ADAMTSL1: variants seen among roughly 807,000 people sequenced by gnomAD.
ADAMTSL1 encodes the protein ADAMTS like 1, also known as ADAMTS-like protein 1.
In ADAMTSL1, 126 loss-of-function variants were observed where a neutral mutation model predicts 201.8. The ratio of observed to expected loss-of-function variants is 0.62; its 90% CI spans 0.54 to 0.72. ADAMTSL1 has a LOEUF of 0.72. Among genes scored for constraint, ADAMTSL1 ranks in the 30% least tolerant of loss-of-function variants. The pLI, the probability that ADAMTSL1 is intolerant of heterozygous loss-of-function variation, is 0.00. For missense variants in ADAMTSL1, 2,679 were observed against 2,277.8 expected (o/e 1.18, Z -3.59); for synonymous variants, 1,121 against 903.4 (o/e 1.24, Z -4.32).
intron 2 of ADAMTSL1, among the ~76,000 whole-genome samples, chr9:18,223,310 C>G (rs1830331648): frequency 1.3e-5 from 2 of 151,982 alleles, no homozygotes; most frequent in South Asian, 2.1e-4. Context: ...AAGAATAATG[C>G]AATTATTCTA....
intron 1 of ADAMTSL1, among the ~76,000 whole-genome samples, chr9:17,943,959 G>A (rs901793421): frequency 2.6e-5 from 4 of 151,562 alleles, no homozygotes; most frequent in Admixed American, 6.6e-5. Context: ...TAGGGAGAGA[G>A]GTGCCACACA....
At chr9:18,166,337 C>T (rs1236804875) in intron 2 of ADAMTSL1, among the ~76,000 whole-genome samples, 2 of 151,852 alleles carry the variant, frequency 1.3e-5, no homozygotes. Context: ...CCATGCCTAT[C>T]CTCTATTGCC....
rs534696863 is a variant in ADAMTSL1, at chr9:18,074,769, T to C, written c.88-89093T>C. Among the ~76,000 whole-genome samples the C allele has an allele frequency of 1.4e-3, 207 of 152,098 alleles. 1 individual carries two copies. Among genetic ancestry groups the C allele is most frequent in the African/African-American group, 4.9e-3 (203 of 41,486 alleles). On this transcript the variant is annotated intron_variant, in intron 1 of 29. Transcript: ENST00000680146. ...CCAGGCCCAACTAATTTTTGTATTTTTAGTAGAGATGGGGTTACACCATGT... is the reference window on the plus strand; with the variant it reads ...CCAGGCCCAACTAATTTTTGTATTTCTAGTAGAGATGGGGTTACACCATGT...
intron 15 of ADAMTSL1, among the ~76,000 whole-genome samples, chr9:18,744,918 A>T (rs1177360082): frequency 6.6e-6 from 1 of 152,014 alleles, no homozygotes; most frequent in Non-Finnish European, 1.5e-5. Context: ...GTGATTTTTG[A>T]ATTTTTGACA....
intron 16 of ADAMTSL1, among the ~76,000 whole-genome samples, chr9:18,763,552 AT>A (rs1041800719): frequency 1.4e-4 from 22 of 152,130 alleles, no homozygotes; most frequent in Admixed American, 4.6e-4. Context: ...TGCTCAAGAA[AT>A]TTTTGTCCAG....
rs1203359186 is a variant in ADAMTSL1, at chr9:18,906,820, C to G, written c.5090C>G (p.Ala1697Gly). The G allele has an allele frequency of 9.9e-6, 16 of 1,614,022 alleles. No individual in the cohort carries two copies. The highest frequency in any genetic ancestry group is 1.4e-5 in the Non-Finnish European group (16 of 1,179,888). Residue 1697 changes from alanine (A) to glycine (G), a missense_variant, in exon 28 of 29, where the codon GCC becomes GGC. Ala to Gly is a moderately conservative substitution (Grantham distance 60, BLOSUM62 0). Coordinates refer to ENST00000380548, the MANE Select transcript of ADAMTSL1 (RefSeq NM_001040272.6). Reference sequence around the variant, plus strand: ...TCCCGGCGTGTGGAGTGTGTGCATGCCCGCACCAACAAGGCAGTGCCTGAG... The same window carrying G: ...TCCCGGCGTGTGGAGTGTGTGCATGGCCGCACCAACAAGGCAGTGCCTGAG... ...FQSRRVECVHARTNKAVPEHL... is the reference protein window; with the variant it reads ...FQSRRVECVHGRTNKAVPEHL...
chr9:18,524,529 G>A (rs1818910285), intron 2 of ADAMTSL1, among the ~76,000 whole-genome samples: 1 of 152,140 alleles, frequency 6.6e-6, no homozygotes, highest in Non-Finnish European at 1.5e-5. Context: ...AGTTTTCAAA[G>A]GGAATGCTTC....
intron 2 of ADAMTSL1, among the ~76,000 whole-genome samples, chr9:18,164,226 T>C (rs1827533876): frequency 6.6e-6 from 1 of 151,944 alleles, no homozygotes; most frequent in Non-Finnish European, 1.5e-5. Context: ...TGGGGCAGCA[T>C]GTGGAGGATT....
At chr9:18,817,518 G>A (rs749042933) in intron 21 of ADAMTSL1, among the ~76,000 whole-genome samples, 13 of 152,158 alleles carry the variant, frequency 8.5e-5, no homozygotes, top group Non-Finnish European at 1.6e-4. Context: ...CTGCAAAGAT[G>A]GGGGCAAGGA....
chr9:18,908,267 G>A (rs545213455), intron 28 of ADAMTSL1, 175 bp from the exon 29 acceptor site: 86 of 633,550 alleles, frequency 1.4e-4, no homozygotes, highest in Middle Eastern at 4.2e-4. Context: ...GCAGCCTTGG[G>A]GAGCAAGTGG....
At chr9:18,795,945 T>C (rs148602030) in intron 20 of ADAMTSL1, among the ~76,000 whole-genome samples, 1 of 152,294 alleles carries the variant, frequency 6.6e-6, no homozygotes, top group African/African-American at 2.4e-5. Context: ...CCATAAATAA[T>C]TGGAATTCTG....
At chr9:18,842,548 T>C (rs1169070255) in intron 23 of ADAMTSL1, among the ~76,000 whole-genome samples, 1 of 152,208 alleles carries the variant, frequency 6.6e-6, no homozygotes, top group Non-Finnish European at 1.5e-5. Flanking sequence ...TAGACATCTA[T>C]TAGGTCCGCT....
At chr9:18,691,412 AAG>A in intron 13 of ADAMTSL1, among the ~76,000 whole-genome samples, 1 of 152,308 alleles carries the variant, frequency 6.6e-6, no homozygotes, top group East Asian at 1.9e-4. Flanking sequence ...TACTTGGGGA[AAG>A]AGATATGATC....
At chr9:18,751,396 T>G (rs1819459289) in intron 15 of ADAMTSL1, among the ~76,000 whole-genome samples, 1 of 152,212 alleles carries the variant, frequency 6.6e-6, no homozygotes, top group Non-Finnish European at 1.5e-5. Context: ...CTGGATTCAC[T>G]ACTTACTAAT....
At chr9:18,835,242 T>A (rs540202165) in intron 23 of ADAMTSL1, among the ~76,000 whole-genome samples, 1 of 152,190 alleles carries the variant, frequency 6.6e-6, no homozygotes, top group Non-Finnish European at 1.5e-5. Context: ...TGTATTCATG[T>A]GTTTATTTGC....
chr9:17,972,928 T>A (rs1818274832), intron 1 of ADAMTSL1, among the ~76,000 whole-genome samples: 1 of 150,136 alleles, frequency 6.7e-6, no homozygotes, highest in Non-Finnish European at 1.5e-5. Context: ...TGATGGGCAT[T>A]TTTTCATGTG....
chr9:18,170,651 G>A (rs577685708), intron 2 of ADAMTSL1, among the ~76,000 whole-genome samples: 7 of 152,114 alleles, frequency 4.6e-5, no homozygotes, highest in Non-Finnish European at 8.8e-5. Context: ...AGAGAAAAGA[G>A]GAAAGAGAAA....
chr9:18,876,355 A>G (rs1490017286), intron 23 of ADAMTSL1, among the ~76,000 whole-genome samples: 1 of 138,722 alleles, frequency 7.2e-6, no homozygotes, highest in Non-Finnish European at 1.5e-5. Flanking sequence ...AGGTTCTGTG[A>G]GATTTATGCT....
intron 23 of ADAMTSL1, among the ~76,000 whole-genome samples, chr9:18,859,528 G>C (rs1827076383): frequency 6.6e-6 from 1 of 152,218 alleles, no homozygotes; most frequent in South Asian, 2.1e-4. Flanking sequence ...TAGGGGGGCA[G>C]TTATTCTGCC....
Sources: allele counts gnomAD v4.1 joint callset (sites outside exome capture counted in the v4.1 genomes callset), GRCh38; gene constraint gnomAD v4.1.1; transcripts MANE v1.5; gene names NCBI Gene and HGNC (gene_info 2026-07-23, HGNC 2026-07-21).